ZNF778: variants seen among roughly 807,000 people sequenced by gnomAD.
ZNF778 encodes the protein zinc finger protein 778.
Under a neutral mutation model 23.9 loss-of-function variants are expected in ZNF778, and 37 were observed. The ratio of observed to expected loss-of-function variants is 1.54; its 90% confidence interval spans 1.19 to 2.03. The LOEUF is 2.03. Ranked by LOEUF, ZNF778 falls within the 30% of genes most tolerant of loss-of-function variation. The pLI, the probability that ZNF778 is intolerant of heterozygous loss-of-function variation, is 0.00. For synonymous variants in ZNF778, 483 were observed against 343.9 expected (o/e 1.40, Z -4.48); for missense variants, 1,297 against 934.4 (o/e 1.39, Z -5.06).
In ZNF778 at chr16:89,233,673, C is replaced by T. The variant is rs952695628; in HGVS notation, c.*5111C>T. 47 of 1,284,910 alleles carry T rather than the reference C, an allele frequency of 3.7e-5. No individual in the cohort carries two copies. The highest frequency in any genetic ancestry group is 4.7e-5 in the African/African-American group (3 of 64,202). The allele number at this position is 1,284,910 out of a possible 1,614,324, so 79.6% of individuals were successfully genotyped here. A position where few individuals can be genotyped will look rare whatever the true frequency, so the allele number is the denominator to read the frequency against. ...TGCATATGCAATTCAACTCGCACTGCGTATGCAAATCAACTTACTGCATAT... is the reference window on the plus strand; with the variant it reads ...TGCATATGCAATTCAACTCGCACTGTGTATGCAAATCAACTTACTGCATAT... On this transcript the variant is annotated 3_prime_UTR_variant, in exon 7 of 7. Transcript: ENST00000433976.
rs753850389 is a variant in ZNF778, at chr16:89,223,137, C to T, written c.118-20C>T. The stretch of plus-strand genomic sequence containing the variant: ...GATGGACACGTTGGAAGGCTCCAAC[C>T]GTCATGTGTGATGATTTAGGACGCG... On this transcript the variant is annotated intron_variant, in intron 3 of 6. Transcript: ENST00000433976. The T allele has an allele frequency of 4.3e-6, 7 of 1,609,972 alleles. No homozygotes were observed. The South Asian group carries it at 4.4e-5, about 10-fold the overall frequency.
intron 1 of ZNF778, among the ~76,000 whole-genome samples, chr16:89,219,426 G>C: frequency 6.6e-6 from 1 of 152,212 alleles, no homozygotes; most frequent in Non-Finnish European, 1.5e-5. Flanking sequence ...TTATGCCTTT[G>C]GGTCCACGAG....
intron 1 of ZNF778, among the ~76,000 whole-genome samples, chr16:89,220,340 G>A (rs1440753429): frequency 6.6e-6 from 1 of 152,184 alleles, no homozygotes; most frequent in Non-Finnish European, 1.5e-5. Context: ...GCTGGGGAGT[G>A]ACCGCAGACT....
In ZNF778 at chr16:89,225,624, C is replaced by T. The variant is rs377280363; in HGVS notation, c.398C>T (p.Thr133Ile). ...TCTTGGTTCAGAGCATCAAATGAGA[C>T]ACAGACGGTAAGATTAACAAGAGAG... The part of the protein sequence containing the change: ...DRSWFRASNE[T>I]QTARSHNGGQ... Residue 133 changes from threonine (T) to isoleucine (I), a missense_variant, in exon 6 of 7, where the codon ACA (threonine) becomes ATA (isoleucine). Coordinates refer to ENST00000433976, the MANE Select transcript of ZNF778 (RefSeq NM_001201407.2). 6.2e-6 allele frequency: 10 copies of T among 1,611,954 alleles called. No individual in the cohort carries two copies. Among genetic ancestry groups the T allele is most frequent in the Non-Finnish European group, 8.5e-6 (10 of 1,178,656 alleles).
rs565829354 is a variant in ZNF778, at chr16:89,227,220, T to G, written c.932T>G (p.Leu311Trp). 1.9e-6 allele frequency: 3 copies of G among 1,613,182 alleles called. No individual in the cohort carries two copies. The East Asian group carries it at 6.7e-5, about 36-fold the overall frequency. The change falls in exon 7 of 7, where the codon TTG (leucine) becomes TGG (tryptophan). Residue 311 changes from leucine to tryptophan, a missense_variant. Leu to Trp is a moderately conservative substitution (Grantham distance 61). Transcript: ENST00000433976. ...CACCCTGGGGAAAAGCCCTGTGAAT[T>G]GGAAGAATGTGGAAAAGCCTCCCCT... ...QVHPGEKPCE[L>W]EECGKASPVS...
chr16:89,227,166 C>G lies in ZNF778; in HGVS notation c.878C>G (p.Thr293Ser), dbSNP rs531087586. 9.9e-6 allele frequency: 16 copies of G among 1,614,000 alleles called. No individual in the cohort carries two copies. The Admixed American group carries it at 2.5e-4, about 25-fold the overall frequency. ...GAATGTGGGAAGGCCTTTAGGTACACTGCCTACCTTACTGGTCGCGTGCAA... is the reference window on the plus strand; with the variant it reads ...GAATGTGGGAAGGCCTTTAGGTACAGTGCCTACCTTACTGGTCGCGTGCAA... ...CRECGKAFRY[T>S]AYLTGRVQVH... is the part of the protein sequence containing the mutation. The change falls in exon 7 of 7, where the codon ACT (threonine) becomes AGT (serine). Residue 293 changes from threonine to serine, a missense_variant. Coordinates refer to ENST00000433976, the MANE Select transcript of ZNF778 (RefSeq NM_001201407.2).
In ZNF778 at chr16:89,228,424, G is replaced by A. The variant is rs2031701241; in HGVS notation, c.2136G>A (p.Arg712=). 1 of 1,613,920 alleles carries A rather than the reference G, an allele frequency of 6.2e-7. No individual in the cohort carries two copies. The highest frequency in any genetic ancestry group is 1.6e-4 in the Middle Eastern group (1 of 6,062). ...KCKECGKAYN[R]FYLLKEHLKT... Reference sequence around the variant, plus strand: ...AGGAATGTGGGAAAGCATACAATAGGTTTTATCTACTAAAAGAACATTTAA... The same window carrying A: ...AGGAATGTGGGAAAGCATACAATAGATTTTATCTACTAAAAGAACATTTAA... Residue 712 remains arginine (R), a synonymous_variant, in exon 7 of 7, where the codon AGG becomes AGA. Coordinates refer to ENST00000433976, the MANE Select transcript of ZNF778 (RefSeq NM_001201407.2).
chr16:89,230,978 C>A lies in ZNF778; in HGVS notation c.*2416C>A, dbSNP rs1175234890. The A allele has an allele frequency of 6.6e-6, 1 of 152,102 alleles. No homozygotes were observed. Among genetic ancestry groups the A allele is most frequent in the African/African-American group, 2.4e-5 (1 of 41,350 alleles). 9.4% of individuals were successfully genotyped at this position (152,102 alleles called of 1,614,324 possible). A position where few individuals can be genotyped will look rare whatever the true frequency, so the allele number is the denominator to read the frequency against. ...CTGGATGGACAGACCCGTGCACCTT[C>A]CTGTCACATGTTTGAAATCCTGGAT... On this transcript the variant is annotated 3_prime_UTR_variant, in exon 7 of 7. Coordinates refer to ENST00000433976, the MANE Select transcript of ZNF778 (RefSeq NM_001201407.2).
chr16:89,225,120 T>G (rs1431345932), intron 5 of ZNF778, among the ~76,000 whole-genome samples: 1 of 94,486 alleles, frequency 1.1e-5, no homozygotes, highest in Admixed American at 1.3e-4. Flanking sequence ...GGTTTTTTTT[T>G]TTTTTTTTTT....
intron 2 of ZNF778, among the ~76,000 whole-genome samples, chr16:89,221,870 G>T (rs2030989475): frequency 6.6e-6 from 1 of 151,904 alleles, no homozygotes; most frequent in African/African-American, 2.4e-5. Context: ...GTGTGTGTGT[G>T]TGTTTTCCTG....
rs1294387560 is a variant in ZNF778, at chr16:89,221,049, C to T, written c.-79C>T. 87 of 1,506,028 alleles carry T rather than the reference C, an allele frequency of 5.8e-5. No homozygotes were observed. Among genetic ancestry groups the T allele is most frequent in the Non-Finnish European group, 7.4e-5 (82 of 1,106,978 alleles). 93.3% of individuals were successfully genotyped at this position (1,506,028 alleles called of 1,614,324 possible). ...CAGGAGGAATGGAGACTGTACCTTC[C>T]ACATAGATTCACAAGCTGCCCTGCA... On this transcript the variant is annotated 5_prime_UTR_variant, in exon 2 of 7. Transcript: ENST00000433976.
rs980067483 is a variant in ZNF778, at chr16:89,235,153, CCT to C, written c.*6594_*6595del. On this transcript the variant is annotated 3_prime_UTR_variant, in exon 7 of 7. Transcript: ENST00000433976. ...TATGGACATAAAAATTTTTGCAAGG[CCT>C]CTTTTTTTTAATGAAGAAAAGAGGT... The C allele has an allele frequency of 6.6e-6, 1 of 151,786 alleles. No homozygotes were observed. The highest frequency in any genetic ancestry group is 2.4e-5 in the African/African-American group (1 of 41,286). The allele number at this position is 151,786 out of a possible 1,614,324, so 9.4% of individuals were successfully genotyped here. A position where few individuals can be genotyped will look rare whatever the true frequency, so the allele number is the denominator to read the frequency against.
chr16:89,225,641 A>G lies in ZNF778; in HGVS notation c.405+10A>G. 6.2e-7 allele frequency: 1 copy of G among 1,608,944 alleles called. No homozygotes were observed. Among genetic ancestry groups the G allele is most frequent in the Non-Finnish European group, 8.5e-7 (1 of 1,176,538 alleles). On this transcript the variant is annotated intron_variant, in intron 6 of 6. Transcript: ENST00000433976. ...AAATGAGACACAGACGGTAAGATTA[A>G]CAAGAGAGATTTTTTTATTTATCAC... is the stretch of plus-strand genomic sequence containing the variant.
Position 89,233,709 on chromosome 16 carries a change from T to TCACACTGCGTATTCAACTCAACTCG in ZNF778, c.*5150_*5151insACTGCGTATTCAACTCAACTCGCAC, listed in dbSNP as rs112060123. On this transcript the variant is annotated 3_prime_UTR_variant, in exon 7 of 7. Transcript: ENST00000433976. ...CAACTTACTGCATATGCAACTCAAC[T>TCACACTGCGTATTCAACTCAACTCG]CACTGCGTATGCAACTCAACTCGCA... is the stretch of plus-strand genomic sequence containing the variant. The TCACACTGCGTATTCAACTCAACTCG allele has an allele frequency of 8.3e-7, 1 of 1,204,224 alleles. No individual in the cohort carries two copies. Among genetic ancestry groups the TCACACTGCGTATTCAACTCAACTCG allele is most frequent in the African/African-American group, 1.8e-5 (1 of 56,368 alleles). 74.6% of individuals were successfully genotyped at this position (1,204,224 alleles called of 1,614,324 possible).
At chr16:89,226,178 G>C (rs796906947) in intron 6 of ZNF778, among the ~76,000 whole-genome samples, 30 of 152,114 alleles carry the variant, frequency 2.0e-4, no homozygotes, top group African/African-American at 7.0e-4. Flanking sequence ...CCAAAGTACT[G>C]GGATTACAGG....
rs957089037 is a variant in ZNF778, at chr16:89,229,057, G to A, written c.*495G>A. The A allele has an allele frequency of 1.3e-4, 124 of 991,292 alleles. No individual in the cohort carries two copies. The highest frequency in any genetic ancestry group is 1.4e-4 in the Non-Finnish European group (117 of 833,888). The allele number at this position is 991,292 out of a possible 1,614,324, so 61.4% of individuals were successfully genotyped here. On this transcript the variant is annotated 3_prime_UTR_variant, in exon 7 of 7. Transcript: ENST00000433976. Reference sequence around the variant, plus strand: ...ATGTCTTTCTGGGGGTTCTGTAGACGTATTTTGAATCTTTATGATGCTGCA... The same window carrying A: ...ATGTCTTTCTGGGGGTTCTGTAGACATATTTTGAATCTTTATGATGCTGCA...
Position 89,232,645 on chromosome 16 carries a change from T to TA in ZNF778, c.*4083_*4084insA, listed in dbSNP as rs1555516907. The TA allele has an allele frequency of 8.7e-3, 8,566 of 981,874 alleles. 346 individuals carry two copies. The African/African-American group carries it at 0.24, about 28-fold the overall frequency. 60.8% of individuals were successfully genotyped at this position (981,874 alleles called of 1,614,324 possible). On this transcript the variant is annotated 3_prime_UTR_variant, in exon 7 of 7. Transcript: ENST00000433976. ...AAGGACCAATTGTATTAATTATGTTTTTTTTTTTTTTGTTAGGGTACATTT... is the reference window on the plus strand; with the variant it reads ...AAGGACCAATTGTATTAATTATGTTTATTTTTTTTTTTGTTAGGGTACATTT...
rs1434565617 is a variant in ZNF778, at chr16:89,234,206, G to C, written c.*5644G>C. On this transcript the variant is annotated 3_prime_UTR_variant, in exon 7 of 7. Transcript: ENST00000433976. The stretch of plus-strand genomic sequence containing the variant: ...GCGTCTAGGCCCCACCAGTGGTGTG[G>C]TTTTCCTCATAGTCTCTCTACCTAA... 6 of 370,146 alleles carry C rather than the reference G, an allele frequency of 1.6e-5. No individual in the cohort carries two copies. Among genetic ancestry groups the C allele is most frequent in the African/African-American group, 4.2e-5 (2 of 47,196 alleles). The allele number at this position is 370,146 out of a possible 1,614,324, so 22.9% of individuals were successfully genotyped here. A position where few individuals can be genotyped will look rare whatever the true frequency, so the allele number is the denominator to read the frequency against.
rs1274795327 is a variant in ZNF778 at position 89,233,576 on chromosome 16, T to G, written c.*5014T>G. On this transcript the variant is annotated 3_prime_UTR_variant, in exon 7 of 7. Transcript: ENST00000433976. ...ACTGCATATGCAACTCAGCTCGCAC[T>G]GCATATGCAACGCAACTCAACTCAT... is the stretch of plus-strand genomic sequence containing the variant. 31 of 1,131,336 alleles carry G rather than the reference T, an allele frequency of 2.7e-5. No individual in the cohort carries two copies. The highest frequency in any genetic ancestry group is 3.5e-5 in the Non-Finnish European group (30 of 864,924). 70.1% of individuals were successfully genotyped at this position (1,131,336 alleles called of 1,614,324 possible).
Sources: allele counts gnomAD v4.1 joint callset (sites outside exome capture counted in the v4.1 genomes callset), GRCh38; gene constraint gnomAD v4.1.1; transcripts MANE v1.5; gene names NCBI Gene and HGNC (gene_info 2026-07-23, HGNC 2026-07-21).